The following ZNF638 variants were observed in gnomAD, a reference collection of about 807,000 sequenced individuals.
ZNF638 encodes CTCL tumor antigen se33-1.
ZNF638 carries 46 observed loss-of-function variants against 195.6 expected under a neutral mutation model. The ratio of observed to expected loss-of-function variants is 0.24; its 90% CI spans 0.19 to 0.30. ZNF638 has a LOEUF of 0.30. Among genes scored for constraint, ZNF638 ranks in the 10% least tolerant of loss-of-function variants. The pLI is 1.00. For synonymous variants in ZNF638, 845 were observed against 772.0 expected, an observed-to-expected ratio of 1.09 and a Z score of -1.57; for missense variants, 2,440 against 2,325.3, an observed-to-expected ratio of 1.05 and a Z score of -1.01.
intron 10 of ZNF638, among the ~76,000 whole-genome samples, chr2:71,390,095 C>G (rs2079740553): frequency 6.6e-6 from 1 of 152,128 alleles, no homozygotes; most frequent in East Asian, 1.9e-4. Context: ...CAAAAGAACC[C>G]CCTTCTATAT....
chr2:71,344,080 AGATCACGCCACT>A (rs1056184703), intron 1 of ZNF638, among the ~76,000 whole-genome samples: 58 of 152,366 alleles, frequency 3.8e-4, no homozygotes, highest in African/African-American at 1.3e-3. Flanking sequence ...CAGTGAGCCA[AGATCACGCCACT>A]GCACTCCAGC....
intron 13 of ZNF638, 147 bp downstream of exon 13, chr2:71,399,792 A>G: frequency 1.5e-6 from 1 of 659,244 alleles, no homozygotes; most frequent in South Asian, 2.1e-5. Context: ...CCAGATATTA[A>G]GCCTAGGACC....
chr2:71,434,872 T>C lies in ZNF638; in HGVS notation c.*65T>C. 7.1e-7 allele frequency: 1 copy of C among 1,401,358 alleles called. No individual in the cohort carries two copies. Among genetic ancestry groups the C allele is most frequent in the Middle Eastern group, 1.8e-4 (1 of 5,460 alleles). The allele number at this position is 1,401,358 out of a possible 1,614,324, so 86.8% of individuals were successfully genotyped here. ...GTCCAGTTGATTTGTGTATTTTTGT[T>C]ATCATTTAATTTGTAATTTTCGTTT... On this transcript the variant is annotated 3_prime_UTR_variant, in exon 28 of 28. Transcript: ENST00000264447.
chr2:71,378,225 C>A (rs534732507), intron 8 of ZNF638, among the ~76,000 whole-genome samples: 7 of 152,016 alleles, frequency 4.6e-5, no homozygotes, highest in African/African-American at 7.2e-5. Context: ...AATGTATAAT[C>A]AAAAATTGGA....
At chr2:71,419,290 T>G (rs918329690) in intron 21 of ZNF638, among the ~76,000 whole-genome samples, 7 of 152,204 alleles carry the variant, frequency 4.6e-5, no homozygotes, top group East Asian at 1.9e-4. Flanking sequence ...TCACTGCTCT[T>G]CATTGTAAAT....
intron 10 of ZNF638, among the ~76,000 whole-genome samples, chr2:71,381,258 G>T (rs2079530004): frequency 6.6e-6 from 1 of 152,086 alleles, no homozygotes; most frequent in Non-Finnish European, 1.5e-5. Context: ...TGTATGTTCT[G>T]TTTGGGGAAG....
chr2:71,379,288 A>T (rs900324530), intron 8 of ZNF638, among the ~76,000 whole-genome samples: 48 of 152,300 alleles, frequency 3.2e-4, no homozygotes, highest in Admixed American at 5.2e-4. Flanking sequence ...TGTGGTTTGA[A>T]AATATTGAAT....
intron 1 of ZNF638, among the ~76,000 whole-genome samples, chr2:71,334,814 G>T (rs35236257): frequency 5.3e-5 from 8 of 151,690 alleles, no homozygotes; most frequent in African/African-American, 1.9e-4. Flanking sequence ...CCAGCGACTC[G>T]GGAGGCTGAG....
intron 10 of ZNF638, chr2:71,388,540 G>A (rs937453351): frequency 1.2e-5 from 9 of 725,444 alleles, no homozygotes; most frequent in Admixed American, 2.0e-5. Context: ...TCTCTTCGGC[G>A]TCTCTAAGGC....
At chr2:71,422,411 A>T (rs746046817) in intron 21 of ZNF638, among the ~76,000 whole-genome samples, 10 of 152,120 alleles carry the variant, frequency 6.6e-5, no homozygotes, top group Admixed American at 5.2e-4. Flanking sequence ...ATCATAATGC[A>T]TGGATCATTA....
At chr2:71,432,871 G>A (rs2080694732) in intron 26 of ZNF638, among the ~76,000 whole-genome samples, 1 of 152,170 alleles carries the variant, frequency 6.6e-6, no homozygotes, top group African/African-American at 2.4e-5. Flanking sequence ...CATCCTATAG[G>A]GGAGGTCAGG....
At chr2:71,432,534 A>G (rs1035379627) in intron 26 of ZNF638, among the ~76,000 whole-genome samples, 1 of 152,128 alleles carries the variant, frequency 6.6e-6, no homozygotes, top group African/African-American at 2.4e-5. Context: ...GTTCTTATCT[A>G]ATGACTTGGT....
intron 10 of ZNF638, among the ~76,000 whole-genome samples, chr2:71,394,153 C>T (rs1047819971): frequency 1.3e-5 from 2 of 152,098 alleles, no homozygotes; most frequent in African/African-American, 4.8e-5. Context: ...AGACTGGAGC[C>T]CCCACGGTCA....
chr2:71,405,178 A>C (rs1417249032), intron 17 of ZNF638, among the ~76,000 whole-genome samples: 3 of 152,196 alleles, frequency 2.0e-5, no homozygotes, highest in Non-Finnish European at 4.4e-5. Context: ...TGGCCTCTTC[A>C]TAATTCAGTA....
At position 71,431,445 on chromosome 2, in the gene ZNF638, A is replaced by G. The variant is rs369093100; in HGVS notation, c.5752+17A>G. 3.0e-4 allele frequency: 488 copies of G among 1,609,214 alleles called. 2 individuals are homozygous for G. The highest frequency in any genetic ancestry group is 3.8e-4 in the Non-Finnish European group (442 of 1,176,548). On this transcript the variant is annotated intron_variant, in intron 26 of 27. Transcript: ENST00000264447. ...TCCCTGAGGGTAAAGTTAAAATGAC[A>G]TTTTTTTCTTACCCATATGAAATTT...
At chr2:71,352,026 C>G (rs1343930606) in intron 2 of ZNF638, among the ~76,000 whole-genome samples, 1 of 152,082 alleles carries the variant, frequency 6.6e-6, no homozygotes, top group African/African-American at 2.4e-5. Context: ...AAATATGCAT[C>G]CTGACATCAA....
chr2:71,425,981 A>G (rs997536885), intron 23 of ZNF638, among the ~76,000 whole-genome samples: 3 of 152,142 alleles, frequency 2.0e-5, no homozygotes, highest in Admixed American at 6.5e-5. Flanking sequence ...TGTATTCTAT[A>G]TATAATTAGT....
intron 10 of ZNF638, among the ~76,000 whole-genome samples, chr2:71,394,295 A>G (rs1472307384): frequency 6.6e-6 from 1 of 152,120 alleles, no homozygotes; most frequent in Non-Finnish European, 1.5e-5. Context: ...AGTCCTTGCC[A>G]CCCCAAGACA....
chr2:71,388,765 A>G, intron 10 of ZNF638: 2 of 986,682 alleles, frequency 2.0e-6, no homozygotes, highest in South Asian at 1.3e-5. Flanking sequence ...AGTTCAGGGG[A>G]ATTCTCAGAC....
Sources: allele counts gnomAD v4.1 joint callset (sites outside exome capture counted in the v4.1 genomes callset), GRCh38; gene constraint gnomAD v4.1.1; transcripts MANE v1.5; gene names NCBI Gene and HGNC (gene_info 2026-07-23, HGNC 2026-07-21).